The following AP2A1 variants were observed in gnomAD, a reference collection of about 807,000 sequenced individuals.
AP2A1 encodes adaptor related protein complex 2 subunit alpha 1, also known as AP-2 complex subunit alpha-1.
Under a neutral mutation model 107.3 loss-of-function variants are expected in AP2A1, and 21 were observed. That is an observed-to-expected ratio of 0.20 (90% CI 0.14 to 0.28). The LOEUF (loss-of-function observed/expected upper bound fraction) is 0.28. Ranked by LOEUF, AP2A1 falls within the 10% of genes least tolerant of loss-of-function variation. The pLI, the probability that AP2A1 is intolerant of heterozygous loss-of-function variation, is 1.00. For missense variants in AP2A1, 873 were observed against 1,307.7 expected (o/e 0.67, Z 5.13); for synonymous variants, 602 against 564.8 (o/e 1.07, Z -0.93).
At chr19:49,786,121 C>T (rs534102489) in intron 4 of AP2A1, among the ~76,000 whole-genome samples, 6 of 151,874 alleles carry the variant, frequency 4.0e-5, no homozygotes, top group Non-Finnish European at 8.8e-5. Context: ...CAAATGTGTG[C>T]CTGTAATCCC....
At position 49,801,380 on chromosome 19, in the gene AP2A1, C is replaced by G. The variant is rs1280534595; in HGVS notation, c.1554-10C>G. On this transcript the variant is annotated splice_polypyrimidine_tract_variant and intron_variant, in intron 12 of 22. Transcript: ENST00000354293. ...AACCTGGCCCCGCTGACACCCACTC[C>G]TGCACACAGCCCCCCAGTGCAGTTC... The G allele has an allele frequency of 6.2e-7, 1 of 1,611,752 alleles. No individual in the cohort carries two copies. The highest frequency in any genetic ancestry group is 1.7e-5 in the Admixed American group (1 of 60,010).
Position 49,799,309 on chromosome 19 carries a change from T to C in AP2A1, c.966-18T>C, listed in dbSNP as rs755398143. 15 of 1,606,498 alleles carry C rather than the reference T, an allele frequency of 9.3e-6. No homozygotes were observed. In the East Asian group the frequency reaches 3.3e-4, roughly 36 times the overall value. On this transcript the variant is annotated intron_variant, in intron 8 of 22. Coordinates refer to ENST00000354293, the MANE Select transcript of AP2A1 (RefSeq NM_130787.3). ...TCAGTTTCTCTCACCATCCCTCTCT[T>C]GTGGCCCCTGCTGGCAGTGAGCCCA...
chr19:49,805,299 T>G, intron 18 of AP2A1, 154 bp from the exon 19 acceptor site: 4 of 905,152 alleles, frequency 4.4e-6, no homozygotes, highest in Non-Finnish European at 6.3e-6. Context: ...AGTATGAACT[T>G]TGTAGTTGAA....
Position 49,801,897 on chromosome 19 carries a change from C to A in AP2A1, c.1953+8C>A. 6.8e-7 allele frequency: 1 copy of A among 1,473,184 alleles called. No individual in the cohort carries two copies. Among genetic ancestry groups the A allele is most frequent in the East Asian group, 2.4e-5 (1 of 41,490 alleles). The allele number at this position is 1,473,184 out of a possible 1,614,324, so 91.3% of individuals were successfully genotyped here. On this transcript the variant is annotated splice_region_variant and intron_variant, in intron 14 of 22. Transcript: ENST00000354293. Reference sequence around the variant, plus strand: ...CCCACCCCCAGCACTGTGGTGAGTCCCCTGGGGTGGGCCCTGCCAGGGTGC... The same window carrying A: ...CCCACCCCCAGCACTGTGGTGAGTCACCTGGGGTGGGCCCTGCCAGGGTGC...
intron 15 of AP2A1, 134 bp from the exon 16 acceptor site, chr19:49,802,815 C>T (rs2073307364): frequency 8.6e-7 from 1 of 1,158,610 alleles, no homozygotes; most frequent in African/African-American, 1.5e-5. Context: ...CGAGGTTCCT[C>T]GAGGCTCTGT....
chr19:49,798,641 G>T (rs1221412501), intron 7 of AP2A1, among the ~76,000 whole-genome samples, 161 bp from the exon 8 acceptor site: 1 of 152,154 alleles, frequency 6.6e-6, no homozygotes, highest in African/African-American at 2.4e-5. Flanking sequence ...GGAAGAGGTT[G>T]AGGGAGCAGA....
At chr19:49,790,654 C>A (rs992161921) in intron 4 of AP2A1, among the ~76,000 whole-genome samples, 1 of 152,230 alleles carries the variant, frequency 6.6e-6, no homozygotes, top group Non-Finnish European at 1.5e-5. Context: ...CCCACCTCAG[C>A]CTCCTAAAGT....
At chr19:49,789,695 A>G (rs994078970) in intron 4 of AP2A1, among the ~76,000 whole-genome samples, 31 of 151,338 alleles carry the variant, frequency 2.0e-4, no homozygotes, top group African/African-American at 7.0e-4. Context: ...CAGCCTCCCA[A>G]AGTGTTGGGA....
rs977198596 is a variant in AP2A1 at position 49,800,027 on chromosome 19, C to T, written c.1332C>T (p.Asp444=). The change falls in exon 11 of 23, where the codon GAC becomes GAT. Residue 444 remains aspartate, a synonymous_variant. Coordinates refer to ENST00000354293, the MANE Select transcript of AP2A1 (RefSeq NM_130787.3). ...CCGTGGACTACAGCTGGTACGTGGACACCATCCTCAACCTCATCCGCATTG... is the reference window on the plus strand; with the variant it reads ...CCGTGGACTACAGCTGGTACGTGGATACCATCCTCAACCTCATCCGCATTG... ...KYAVDYSWYV[D]TILNLIRIAG... is the part of the protein sequence containing the mutation. 2.5e-6 allele frequency: 4 copies of T among 1,614,066 alleles called. No homozygotes were observed. The highest frequency in any genetic ancestry group is 3.4e-6 in the Non-Finnish European group (4 of 1,179,882).
chr19:49,794,319 G>T (rs893000579), intron 6 of AP2A1, among the ~76,000 whole-genome samples: 1 of 148,618 alleles, frequency 6.7e-6, no homozygotes, highest in African/African-American at 2.5e-5. Flanking sequence ...AGGCTCAAGC[G>T]ATCTCTCGCC....
At chr19:49,805,319 A>C (rs1265640030) in intron 18 of AP2A1, 134 bp from the exon 19 acceptor site, 35 of 1,083,492 alleles carry the variant, frequency 3.2e-5, no homozygotes, top group Non-Finnish European at 3.8e-5. Flanking sequence ...ACCTTGTAGG[A>C]TTGAGTCCAG....
At chr19:49,799,073 A>G in intron 8 of AP2A1, 121 bp downstream of exon 8, 1 of 1,370,110 alleles carries the variant, frequency 7.3e-7, no homozygotes, top group Non-Finnish European at 9.8e-7. Flanking sequence ...GGGTAGGAGG[A>G]GGATGGGGCT....
At chr19:49,801,643 C>A (rs370072658) in intron 13 of AP2A1, 22 bp downstream of exon 13, 2 of 1,562,830 alleles carry the variant, frequency 1.3e-6, no homozygotes, top group Admixed American at 1.8e-5. Context: ...GTCCCCCCAC[C>A]CCACCCCTCT....
rs2073096152 is a variant in AP2A1, at chr19:49,788,088, A to T, written c.474-3847A>T. Reference sequence around the variant, plus strand: ...CAGCCACTCCAGCAGCCGGGACTACAGGCACAAGCCACCAGGCCTGGCTAA... The same window carrying T: ...CAGCCACTCCAGCAGCCGGGACTACTGGCACAAGCCACCAGGCCTGGCTAA... On this transcript the variant is annotated intron_variant, in intron 4 of 22. Coordinates refer to ENST00000354293, the MANE Select transcript of AP2A1 (RefSeq NM_130787.3). This position sits in a 1 kb window ranked among gnomAD's most constrained non-coding sequence, Gnocchi z 4.5. Among the ~76,000 whole-genome samples, 1 of 152,186 alleles carries T rather than the reference A, an allele frequency of 6.6e-6. No individual in the cohort carries two copies. The highest frequency in any genetic ancestry group is 6.6e-5 in the Admixed American group (1 of 15,260).
intron 4 of AP2A1, among the ~76,000 whole-genome samples, chr19:49,782,982 C>T (rs948831400): frequency 7.9e-5 from 12 of 152,184 alleles, no homozygotes; most frequent in East Asian, 3.8e-4. Context: ...CTAACACCTA[C>T]GATAAGAGGC....
intron 18 of AP2A1, chr19:49,805,202 C>G: frequency 2.3e-6 from 1 of 435,736 alleles, no homozygotes; most frequent in Non-Finnish European, 4.0e-6. Flanking sequence ...AAGTCAGCCT[C>G]CAGAGCTAAT....
At chr19:49,777,890 T>G (rs1246728232) in intron 1 of AP2A1, among the ~76,000 whole-genome samples, 1 of 151,948 alleles carries the variant, frequency 6.6e-6, no homozygotes, top group Non-Finnish European at 1.5e-5. Context: ...ATCAAACCAT[T>G]GCATTCCAAC....
intron 1 of AP2A1, among the ~76,000 whole-genome samples, chr19:49,769,269 A>G (rs1431548254): frequency 1.3e-5 from 2 of 148,772 alleles, no homozygotes; most frequent in African/African-American, 5.2e-5. Flanking sequence ...AAAAAAAAAG[A>G]AAAAGAAACT....
chr19:49,772,223 A>G (rs1406359954), intron 1 of AP2A1, among the ~76,000 whole-genome samples: 1 of 146,236 alleles, frequency 6.8e-6, no homozygotes, highest in East Asian at 2.0e-4. Context: ...ATGCCCAGCA[A>G]ATTTTTTTGT....
Sources: gnomAD v4.1 joint callset for allele counts (sites outside exome capture counted in the v4.1 genomes callset) on GRCh38, gnomAD v4.1.1 for gene constraint, Gnocchi (gnomAD v3.1) non-coding constraint, MANE v1.5 for transcripts, NCBI Gene and HGNC (gene_info 2026-07-23, HGNC 2026-07-21) for gene names.